FBXO47: variants seen among roughly 807,000 people sequenced by gnomAD.
FBXO47 encodes the protein F-box protein 47.
In FBXO47, 34 loss-of-function variants were observed where a neutral mutation model predicts 53.9. The observed-to-expected ratio is 0.63, with a 90% CI of 0.48 to 0.84. The LOEUF (loss-of-function observed/expected upper bound fraction) is 0.84. Ranked by LOEUF, FBXO47 falls within the 40% of genes least tolerant of loss-of-function variation. FBXO47 has a pLI of 0.00. For missense variants in FBXO47, 485 were observed against 541.3 expected (o/e 0.90, Z 1.03); for synonymous variants, 165 against 181.6 (o/e 0.91, Z 0.73).
chr17:38,944,848 A>ATATGTGTGTGTGTGTG, intron 7 of FBXO47, 112 bp downstream of exon 7: 1 of 615,522 alleles, frequency 1.6e-6, no homozygotes, highest in Non-Finnish European at 2.7e-6. Flanking sequence ...GCGTGCATGC[A>ATATGTGTGTGTGTGTG]TGTGTGTGTG....
At chr17:38,946,427 TAA>T (rs1487946915) in intron 6 of FBXO47, among the ~76,000 whole-genome samples, 13 of 96,062 alleles carry the variant, frequency 1.4e-4, no homozygotes, top group Admixed American at 6.7e-4. Context: ...TATAACTATA[TAA>T]ATATATATGA....
In FBXO47 at chr17:38,953,168, A is replaced by C. The variant is rs559951218; in HGVS notation, c.508-1479T>G. Among the ~76,000 whole-genome samples the C allele has an allele frequency of 3.4e-3, 386 of 112,900 alleles. 3 individuals carry two copies. Among genetic ancestry groups the C allele is most frequent in the African/African-American group, 0.015 (353 of 24,108 alleles). 74.1% of individuals were successfully genotyped at this position (112,900 alleles called of 152,430 possible). On this transcript the variant is annotated intron_variant, in intron 5 of 10. Transcript: ENST00000378079. ...ACACACACACACACACACACACACA[A>C]AATAGCTAGGTGTGGTGGCAGGCCC...
At chr17:38,940,718 C>T (rs1236766288) in intron 9 of FBXO47, among the ~76,000 whole-genome samples, 2 of 151,990 alleles carry the variant, frequency 1.3e-5, no homozygotes, top group African/African-American at 4.8e-5. Flanking sequence ...CTCTGCTATG[C>T]AGACTGAAGT....
rs1904356949 is a variant in FBXO47, at chr17:38,938,562, T to C, written c.1243+11A>G. ...TACGCACACCTGTGCACCAAGTACA[T>C]TCCTACTCACCAGACATAATTGATT... is the stretch of plus-strand genomic sequence containing the variant. On this transcript the variant is annotated intron_variant, in intron 10 of 10. Transcript: ENST00000378079. 3 of 1,601,362 alleles carry C rather than the reference T, an allele frequency of 1.9e-6. No homozygotes were observed. The highest frequency in any genetic ancestry group is 2.7e-5 in the African/African-American group (2 of 74,802).
chr17:38,939,225 G>A (rs752048448), intron 9 of FBXO47, among the ~76,000 whole-genome samples: 7 of 143,154 alleles, frequency 4.9e-5, no homozygotes, highest in Admixed American at 1.5e-4. Context: ...CTCAGGAGGC[G>A]GAGGATGCAG....
chr17:38,946,609 T>TAA (rs1311396767), intron 6 of FBXO47, among the ~76,000 whole-genome samples: 7 of 72,778 alleles, frequency 9.6e-5, no homozygotes, highest in African/African-American at 2.0e-4. Context: ...TATGAATATA[T>TAA]ATAACTATAT....
chr17:38,945,602 C>G (rs1904717381), intron 6 of FBXO47, among the ~76,000 whole-genome samples: 1 of 151,884 alleles, frequency 6.6e-6, no homozygotes, highest in Non-Finnish European at 1.5e-5. Context: ...AGTTCAAGAC[C>G]AGCCTGGCCA....
At chr17:38,954,470 C>T (rs1288731775) in intron 5 of FBXO47, among the ~76,000 whole-genome samples, 1 of 151,970 alleles carries the variant, frequency 6.6e-6, no homozygotes, top group Non-Finnish European at 1.5e-5. Context: ...TTACTAATAT[C>T]ACACCTTAAA....
At position 38,938,575 on chromosome 17, in the gene FBXO47, G is replaced by T. The variant is rs754978265; in HGVS notation, c.1241C>A (p.Ser414Tyr). Residue 414 changes from serine (S) to tyrosine (Y), a missense_variant and splice_region_variant, in exon 10 of 11, where the codon TCT becomes TAT. By Grantham distance (144) the Ser-to-Tyr change is moderately radical (BLOSUM62 -2). Coordinates refer to ENST00000378079, the MANE Select transcript of FBXO47 (RefSeq NM_001008777.3). ...GCACCAAGTACATTCCTACTCACCA[G>T]ACATAATTGATTGCAGCATTTCCAT... ...VIMEMLQSIM[S>Y]GDRDEDDRSF... The T allele has an allele frequency of 1.2e-6, 2 of 1,609,824 alleles. No homozygotes were observed. Among genetic ancestry groups the T allele is most frequent in the Non-Finnish European group, 8.5e-7 (1 of 1,177,562 alleles).
chr17:38,939,338 A>ATATG (rs1904397914), intron 9 of FBXO47, among the ~76,000 whole-genome samples: 1 of 136,328 alleles, frequency 7.3e-6, no homozygotes, highest in Non-Finnish European at 1.6e-5. Context: ...ATATATATAT[A>ATATG]TATATATGTA....
chr17:38,943,716 T>G lies in FBXO47; in HGVS notation c.814A>C (p.Met272Leu), dbSNP rs757984074. The change falls in exon 8 of 11, where the codon ATG becomes CTG. Residue 272 changes from methionine to leucine, a missense_variant. Transcript: ENST00000378079. The part of the protein sequence containing the change: ...PQDGQVVWQE[M>L]IEEPTDEFSL... Reference sequence around the variant, plus strand: ...AATTCATCTGTAGGTTCTTCTATCATTTCCTGCCAAACCACCTGTCCTGAA... The same window carrying G: ...AATTCATCTGTAGGTTCTTCTATCAGTTCCTGCCAAACCACCTGTCCTGAA... 1 of 1,607,546 alleles carries G rather than the reference T, an allele frequency of 6.2e-7. No individual in the cohort carries two copies. Among genetic ancestry groups the G allele is most frequent in the South Asian group, 1.1e-5 (1 of 89,644 alleles).
chr17:38,939,550 A>G (rs1040266577), intron 9 of FBXO47, among the ~76,000 whole-genome samples: 2 of 149,358 alleles, frequency 1.3e-5, no homozygotes, highest in African/African-American at 4.9e-5. Context: ...TCGACTTTCC[A>G]TCTTGAGAAT....
In FBXO47 at chr17:38,945,617, G is replaced by A. The variant is rs532696001; in HGVS notation, c.617-481C>T. Among the ~76,000 whole-genome samples, 3 of 152,018 alleles carry A rather than the reference G, an allele frequency of 2.0e-5. No homozygotes were observed. In the East Asian group the frequency reaches 5.8e-4, roughly 29 times the overall value. ...AGTTCAAGACCAGCCTGGCCAATATGGCGAAACCCTGTCTCTACTAAAAAT... is the reference window on the plus strand; with the variant it reads ...AGTTCAAGACCAGCCTGGCCAATATAGCGAAACCCTGTCTCTACTAAAAAT... On this transcript the variant is annotated intron_variant, in intron 6 of 10. Transcript: ENST00000378079.
Position 38,937,237 on chromosome 17 carries a change from C to T in FBXO47, c.1297G>A (p.Ala433Thr), listed in dbSNP as rs150816372. ...ACCTCCTTATGGAAGTTAGCCTGAG[C>T]ATGTACAAGATGGAACAAATTCAAA... ...SFLNLFHLVH[A>T]QANFHKEVLY... The change falls in exon 11 of 11, where the codon GCT becomes ACT. Residue 433 changes from alanine (A) to threonine (T), a missense_variant. By Grantham distance (58) the Ala-to-Thr change is moderately conservative. Coordinates refer to ENST00000378079, the MANE Select transcript of FBXO47 (RefSeq NM_001008777.3). The T allele has an allele frequency of 1.5e-3, 2,344 of 1,611,022 alleles. 2 individuals carry two copies. Among genetic ancestry groups the T allele is most frequent in the Non-Finnish European group, 1.8e-3 (2,154 of 1,177,714 alleles).
chr17:38,958,279 A>G (rs1905652808), intron 3 of FBXO47, among the ~76,000 whole-genome samples: 1 of 152,136 alleles, frequency 6.6e-6, no homozygotes, highest in South Asian at 2.1e-4. Flanking sequence ...CCGAGAAAAC[A>G]GGTTGTGTAT....
chr17:38,962,698 A>T, intron 2 of FBXO47, 147 bp downstream of exon 2: 1 of 378,880 alleles, frequency 2.6e-6, no homozygotes, highest in East Asian at 4.1e-5. Flanking sequence ...ACCTGACAAT[A>T]ATGAAACTTT....
In FBXO47 at chr17:38,961,953, TAA is replaced by T. The variant is rs1567723023; in HGVS notation, c.274_275del (p.Leu92ThrfsTer6). On this transcript the variant is annotated frameshift_variant, in exon 3 of 11. Coordinates refer to ENST00000378079, the MANE Select transcript of FBXO47 (RefSeq NM_001008777.3). LOFTEE classifies it high-confidence loss of function. ...GCTCAAGGTTATGAAAGTCCTGTAGTAAAAGTCTTTTGCTTCCTGATGAGGTT... is the reference window on the plus strand; with the variant it reads ...GCTCAAGGTTATGAAAGTCCTGTAGTAAGTCTTTTGCTTCCTGATGAGGTT... ...ISTSSGSKRL[L>X]LQDFHNLELP... The T allele has an allele frequency of 6.2e-7, 1 of 1,613,892 alleles. No homozygotes were observed. The highest frequency in any genetic ancestry group is 1.1e-5 in the South Asian group (1 of 91,078).
chr17:38,966,977 GC>G (rs978927047), intron 1 of FBXO47, among the ~76,000 whole-genome samples: 1 of 151,428 alleles, frequency 6.6e-6, no homozygotes, highest in Non-Finnish European at 1.5e-5. Context: ...GAACCTCCCC[GC>G]CCCCCACACC....
chr17:38,947,095 C>CATATATATAAACATATATATAAACAT (rs1904979024), intron 6 of FBXO47, among the ~76,000 whole-genome samples: 1 of 130,820 alleles, frequency 7.6e-6, no homozygotes, highest in Non-Finnish European at 1.6e-5. Context: ...TATATATAAA[C>CATATATATAAACATATATATAAACAT]ATATATATAA....
Sources: gnomAD v4.1 joint callset for allele counts (sites outside exome capture counted in the v4.1 genomes callset) on GRCh38, gnomAD v4.1.1 for gene constraint, MANE v1.5 for transcripts, NCBI Gene and HGNC (gene_info 2026-07-23, HGNC 2026-07-21) for gene names.